The following CAMK1D variants were observed in gnomAD, a reference collection of about 807,000 sequenced individuals.
CAMK1D encodes calcium/calmodulin-dependent protein kinase type 1D.
A neutral mutation model predicts 47.7 loss-of-function variants in CAMK1D; 9 were observed. That is an observed-to-expected ratio of 0.19 (90% CI 0.11 to 0.33). The LOEUF is 0.33. CAMK1D is among the 10% of genes least tolerant of loss of function. The pLI is 1.00. For missense variants in CAMK1D, 291 were observed against 488.7 expected, an observed-to-expected ratio of 0.60 and a Z score of 3.81; for synonymous variants, 184 against 184.9, an observed-to-expected ratio of 0.99 and a Z score of 0.04.
At chr10:12,738,997 A>C (rs916358090) in intron 3 of CAMK1D, among the ~76,000 whole-genome samples, 26 of 152,328 alleles carry the variant, frequency 1.7e-4, no homozygotes, top group African/African-American at 4.3e-4. Flanking sequence ...CAATCCCAGC[A>C]CTTTGGAAGA....
At chr10:12,623,059 C>CCCTCCCTCCCTCCCTT (rs1839050587) in intron 2 of CAMK1D, among the ~76,000 whole-genome samples, 1 of 128,664 alleles carries the variant, frequency 7.8e-6, no homozygotes, top group Non-Finnish European at 1.7e-5. Flanking sequence ...CTCCCTCCCT[C>CCCTCCCTCCCTCCCTT]CCTCCCTTCC....
At chr10:12,712,551 G>A (rs935952155) in intron 3 of CAMK1D, among the ~76,000 whole-genome samples, 3 of 152,150 alleles carry the variant, frequency 2.0e-5, no homozygotes, top group African/African-American at 4.8e-5. Context: ...GTTTGCAGAC[G>A]GCCTCCTTCT....
At chr10:12,699,821 C>T (rs947050569) in intron 3 of CAMK1D, among the ~76,000 whole-genome samples, 3 of 152,162 alleles carry the variant, frequency 2.0e-5, no homozygotes, top group African/African-American at 7.2e-5. Context: ...AATGATTTCA[C>T]CATTCCTCCA....
At chr10:12,649,872 A>C (rs1177035769) in intron 2 of CAMK1D, among the ~76,000 whole-genome samples, 1 of 152,220 alleles carries the variant, frequency 6.6e-6, no homozygotes, top group Non-Finnish European at 1.5e-5. Context: ...GGAAATTAAA[A>C]GTGGAGTAAA....
intron 1 of CAMK1D, among the ~76,000 whole-genome samples, chr10:12,464,994 C>T (rs1246738911): frequency 6.6e-6 from 1 of 152,164 alleles, no homozygotes; most frequent in East Asian, 1.9e-4. Flanking sequence ...ATAATCAATC[C>T]TAAATTCCAT....
At chr10:12,800,547 T>C (rs1271402192) in intron 6 of CAMK1D, among the ~76,000 whole-genome samples, 1 of 152,146 alleles carries the variant, frequency 6.6e-6, no homozygotes, top group Non-Finnish European at 1.5e-5. Context: ...ATGCCCAGAG[T>C]TGATTGATTT....
chr10:12,784,694 C>T (rs1190798922), intron 5 of CAMK1D, among the ~76,000 whole-genome samples: 1 of 152,216 alleles, frequency 6.6e-6, no homozygotes, highest in Non-Finnish European at 1.5e-5. Context: ...TTCCCAAATT[C>T]ATTTGTTCCC....
intron 1 of CAMK1D, among the ~76,000 whole-genome samples, chr10:12,368,415 AGTTT>A: frequency 6.6e-6 from 1 of 151,826 alleles, no homozygotes; most frequent in South Asian, 2.1e-4. Context: ...AAAAAAAAAA[AGTTT>A]GTTGGGTAAA....
chr10:12,475,839 G>A (rs965709374), intron 1 of CAMK1D, among the ~76,000 whole-genome samples: 26 of 152,106 alleles, frequency 1.7e-4, no homozygotes, highest in African/African-American at 5.6e-4. Flanking sequence ...GAACCACAGT[G>A]AACATAGTTC....
At chr10:12,448,094 T>A (rs1564345696) in intron 1 of CAMK1D, among the ~76,000 whole-genome samples, 1 of 152,346 alleles carries the variant, frequency 6.6e-6, no homozygotes, top group East Asian at 1.9e-4. Flanking sequence ...CCTTAAGTGA[T>A]CCTCCTGCCT....
chr10:12,693,895 TAAAATATATATATAATATATATA>T (rs1404953987), intron 3 of CAMK1D, among the ~76,000 whole-genome samples: 2 of 111,722 alleles, frequency 1.8e-5, no homozygotes, highest in African/African-American at 3.4e-5. Context: ...AATATATATA[TAAAATATATATATAATATATATA>T]AAAATATATA....
intron 1 of CAMK1D, among the ~76,000 whole-genome samples, chr10:12,458,648 C>T (rs1833331293): frequency 6.6e-6 from 1 of 151,850 alleles, no homozygotes; most frequent in South Asian, 2.1e-4. Context: ...CCCAGCTGGT[C>T]TCTTGAACTC....
chr10:12,804,854 T>A (rs1438273552), intron 6 of CAMK1D, among the ~76,000 whole-genome samples: 3 of 136,580 alleles, frequency 2.2e-5, no homozygotes, highest in Non-Finnish European at 4.5e-5. Context: ...AGGAGGATTG[T>A]ATGAGCCTGG....
chr10:12,350,925 C>G (rs1350720907), intron 1 of CAMK1D, among the ~76,000 whole-genome samples: 1 of 152,174 alleles, frequency 6.6e-6, no homozygotes, highest in Non-Finnish European at 1.5e-5. Flanking sequence ...GTTGATTAGG[C>G]TGGGAAGAGA....
At chr10:12,434,783 T>C (rs1832580706) in intron 1 of CAMK1D, among the ~76,000 whole-genome samples, 1 of 152,194 alleles carries the variant, frequency 6.6e-6, no homozygotes, top group South Asian at 2.1e-4. Context: ...CCGGTCACCT[T>C]GATCGCCTTC....
intron 3 of CAMK1D, among the ~76,000 whole-genome samples, chr10:12,749,622 A>G (rs1835855326): frequency 6.6e-6 from 1 of 150,540 alleles, no homozygotes; most frequent in Admixed American, 6.7e-5. Flanking sequence ...GCAGTGGCAC[A>G]GTCTCTGCTC....
At chr10:12,588,860 GTATATA>G (rs199590472) in intron 2 of CAMK1D, among the ~76,000 whole-genome samples, 10 of 106,346 alleles carry the variant, frequency 9.4e-5, no homozygotes, top group African/African-American at 3.2e-4. Context: ...ACATGTATAT[GTATATA>G]TGTGTGTGTG....
intron 1 of CAMK1D, among the ~76,000 whole-genome samples, chr10:12,441,526 G>C (rs1832782996): frequency 1.3e-5 from 1 of 75,656 alleles, no homozygotes; most frequent in African/African-American, 6.6e-5. Flanking sequence ...TGTTCCTTTT[G>C]TTAAAAAAAA....
At chr10:12,632,895 G>T (rs1475814418) in intron 2 of CAMK1D, among the ~76,000 whole-genome samples, 1 of 152,030 alleles carries the variant, frequency 6.6e-6, no homozygotes, top group African/African-American at 2.4e-5. Context: ...AGGTTTCACC[G>T]TTTTGGCCAG....
Sources: gnomAD v4.1 joint callset for allele counts (sites outside exome capture counted in the v4.1 genomes callset) on GRCh38, gnomAD v4.1.1 for gene constraint, MANE v1.5 for transcripts, NCBI Gene and HGNC (gene_info 2026-07-23, HGNC 2026-07-21) for gene names.